The following PIK3CB variants were observed in gnomAD, a reference collection of about 807,000 sequenced individuals.
PIK3CB encodes phosphatidylinositol 4,5-bisphosphate 3-kinase catalytic subunit beta isoform.
Under a neutral mutation model 136.8 loss-of-function variants are expected in PIK3CB, and 39 were observed. The observed-to-expected ratio is 0.29, with a 90% confidence interval of 0.22 to 0.37. PIK3CB has a LOEUF of 0.37. Ranked by LOEUF, PIK3CB falls within the 10% of genes least tolerant of loss-of-function variation. The pLI, the probability that PIK3CB is intolerant of heterozygous loss-of-function variation, is 1.00. For missense variants in PIK3CB, 868 were observed against 1,275.4 expected (o/e 0.68, Z 4.87); for synonymous variants, 428 against 436.6 (o/e 0.98, Z 0.25).
At chr3:138,739,091 T>C (rs1291280560) in intron 5 of PIK3CB, among the ~76,000 whole-genome samples, 1 of 152,050 alleles carries the variant, frequency 6.6e-6, no homozygotes, top group African/African-American at 2.4e-5. Flanking sequence ...AGTGAAAACT[T>C]TGGGATGTGA....
intron 21 of PIK3CB, among the ~76,000 whole-genome samples, 169 bp from the exon 22 acceptor site, chr3:138,658,004 C>T (rs1297188238): frequency 2.0e-5 from 3 of 152,148 alleles, no homozygotes; most frequent in African/African-American, 7.2e-5. Context: ...ATATCTAACA[C>T]TCTTAAGACT....
chr3:138,780,747 T>C (rs1164582607), intron 2 of PIK3CB, among the ~76,000 whole-genome samples: 2 of 152,162 alleles, frequency 1.3e-5, no homozygotes, highest in African/African-American at 4.8e-5. Flanking sequence ...TAGCTCACTA[T>C]AGCCTCTACC....
intron 6 of PIK3CB, among the ~76,000 whole-genome samples, chr3:138,735,085 A>C (rs994517809): frequency 6.6e-6 from 1 of 151,250 alleles, no homozygotes; most frequent in Non-Finnish European, 1.5e-5. Context: ...AGTACCTGGG[A>C]CTACAGGCAC....
intron 1 of PIK3CB, among the ~76,000 whole-genome samples, chr3:138,800,628 A>C (rs1405999523): frequency 6.6e-6 from 1 of 151,536 alleles, no homozygotes; most frequent in African/African-American, 2.4e-5. Context: ...CAACTCTATT[A>C]TTATTATTAT....
At chr3:138,689,580 C>T (rs1333139815) in intron 15 of PIK3CB, among the ~76,000 whole-genome samples, 4 of 152,174 alleles carry the variant, frequency 2.6e-5, no homozygotes, top group South Asian at 2.1e-4. Flanking sequence ...TGAGCCACCA[C>T]GCCTGGCTAC....
intron 9 of PIK3CB, 132 bp downstream of exon 9, chr3:138,714,336 T>C: frequency 1.8e-6 from 1 of 563,420 alleles, no homozygotes; most frequent in Non-Finnish European, 3.0e-6. Flanking sequence ...GGAAATTTCT[T>C]ATCTTCTTAA....
chr3:138,692,136 A>G lies in PIK3CB; in HGVS notation c.1893-993T>C, dbSNP rs973447962. Among the ~76,000 whole-genome samples the G allele has an allele frequency of 2.6e-5, 4 of 152,164 alleles. No homozygotes were observed. In the South Asian group the frequency reaches 8.3e-4, roughly 32 times the overall value. On this transcript the variant is annotated intron_variant, in intron 14 of 23. Transcript: ENST00000674063. ...AATCTCCAAACCATTCTACCTGTAA[A>G]CACACTCCTATCAGAGGCAACTCCA...
At chr3:138,680,913 C>T (rs1325995937) in intron 19 of PIK3CB, among the ~76,000 whole-genome samples, 2 of 151,868 alleles carry the variant, frequency 1.3e-5, no homozygotes, top group African/African-American at 2.4e-5. Context: ...GTCGTGAACT[C>T]GGGACCTCAG....
At chr3:138,727,571 T>C (rs2044867844) in intron 8 of PIK3CB, among the ~76,000 whole-genome samples, 1 of 152,194 alleles carries the variant, frequency 6.6e-6, no homozygotes, top group Non-Finnish European at 1.5e-5. Context: ...GGCCAACAAC[T>C]TGAATCAGTT....
At chr3:138,711,781 A>G (rs1410856737) in intron 10 of PIK3CB, among the ~76,000 whole-genome samples, 2 of 151,910 alleles carry the variant, frequency 1.3e-5, no homozygotes, top group Admixed American at 1.3e-4. Context: ...ATAATGGTAC[A>G]TTATTTGTTG....
Position 138,708,200 on chromosome 3 carries a change from C to G in PIK3CB, c.1400-911G>C, listed in dbSNP as rs117443828. Among the ~76,000 whole-genome samples the G allele has an allele frequency of 2.6e-5, 4 of 151,820 alleles. No individual in the cohort carries two copies. In the East Asian group the frequency reaches 5.8e-4, roughly 22 times the overall value. The stretch of plus-strand genomic sequence containing the variant: ...TGGAAAATCTTTACAAGTTTTCGTT[C>G]CTTAATTCTTCGTTCATCTTTTTAA... On this transcript the variant is annotated intron_variant, in intron 10 of 23. Transcript: ENST00000674063.
intron 9 of PIK3CB, among the ~76,000 whole-genome samples, chr3:138,712,794 T>G (rs1057087937): frequency 3.3e-5 from 5 of 152,138 alleles, no homozygotes; most frequent in Non-Finnish European, 7.3e-5. Flanking sequence ...CTCAAACTCC[T>G]GACCTCAGGT....
intron 2 of PIK3CB, among the ~76,000 whole-genome samples, chr3:138,762,233 A>G (rs585829): frequency 0.97 from 148,224 of 152,274 alleles, 72,183 homozygotes; most frequent in East Asian, 1. Flanking sequence ...TGGGCAACAA[A>G]AGCAAAAATC....
chr3:138,801,054 T>G (rs1182778469), intron 1 of PIK3CB, among the ~76,000 whole-genome samples: 1 of 152,182 alleles, frequency 6.6e-6, no homozygotes, highest in East Asian at 1.9e-4. Flanking sequence ...CTTACTCAAT[T>G]CATTATGTAG....
At position 138,813,120 on chromosome 3, in the gene PIK3CB, GA is replaced by G. The variant is rs149875376; in HGVS notation, c.-121-16554del. ...TGAATCTACAATTACCTCAAAATAAGAAAAAAAAATTTTTTTAATGGTGTCT... is the reference window on the plus strand; with the variant it reads ...TGAATCTACAATTACCTCAAAATAAGAAAAAAAATTTTTTTAATGGTGTCT... On this transcript the variant is annotated intron_variant, in intron 1 of 23. Transcript: ENST00000674063. 8.8e-3 allele frequency among the ~76,000 whole-genome samples: 1,339 copies of G among 151,684 alleles called. 6 individuals carry two copies. The highest frequency in any genetic ancestry group is 0.014 in the Non-Finnish European group (949 of 67,856).
At chr3:138,740,219 C>T (rs769784362) in intron 5 of PIK3CB, among the ~76,000 whole-genome samples, 7 of 152,200 alleles carry the variant, frequency 4.6e-5, no homozygotes, top group South Asian at 2.1e-4. Context: ...ATTAGCATGG[C>T]GTGGTGGTGC....
At chr3:138,798,968 C>A (rs1273526929) in intron 1 of PIK3CB, among the ~76,000 whole-genome samples, 2 of 152,012 alleles carry the variant, frequency 1.3e-5, no homozygotes, top group Admixed American at 1.3e-4. Flanking sequence ...GAGATGTAAG[C>A]CTGTAATCCA....
intron 16 of PIK3CB, among the ~76,000 whole-genome samples, chr3:138,687,653 C>G (rs2043922655): frequency 6.6e-6 from 1 of 152,102 alleles, no homozygotes; most frequent in Non-Finnish European, 1.5e-5. Flanking sequence ...ATGGGTCTCA[C>G]TATGTTGTGC....
chr3:138,716,893 C>CAAAAAA lies in PIK3CB; in HGVS notation c.1051-2180_1051-2175dup, dbSNP rs376627250. ...TGGGTGACAGAGAAAGATTGTGTCT[C>CAAAAAA]AAAAAAAAAAAAAAAAAAAAAAAAA... On this transcript the variant is annotated intron_variant, in intron 8 of 23. Transcript: ENST00000674063. Among the ~76,000 whole-genome samples the CAAAAAA allele has an allele frequency of 2.1e-3, 23 of 11,086 alleles. 1 individual carries two copies. Among genetic ancestry groups the CAAAAAA allele is most frequent in the African/African-American group, 4.5e-3 (19 of 4,186 alleles). 7.3% of individuals were successfully genotyped at this position (11,086 alleles called of 152,430 possible).
Sources: allele counts gnomAD v4.1 joint callset (sites outside exome capture counted in the v4.1 genomes callset), GRCh38; gene constraint gnomAD v4.1.1; transcripts MANE v1.5; gene names NCBI Gene and HGNC (gene_info 2026-07-23, HGNC 2026-07-21).